Variants in DOCK3 observed in about 807,000 individuals in gnomAD.
DOCK3 encodes the protein dedicator of cytokinesis protein 3.
Under a neutral mutation model 265.6 loss-of-function variants are expected in DOCK3, and 60 were observed. The observed-to-expected ratio is 0.23, with a 90% confidence interval of 0.18 to 0.28. DOCK3 has a LOEUF of 0.28. DOCK3 is among the 10% of genes least tolerant of loss of function. The pLI is 1.00. For missense variants in DOCK3, 1,981 were observed against 2,594.3 expected, an observed-to-expected ratio of 0.76 and a Z score of 5.14; for synonymous variants, 881 against 938.0, an observed-to-expected ratio of 0.94 and a Z score of 1.11.
Position 51,018,649 on chromosome 3 carries a change from T to C in DOCK3, c.316-45799T>C, listed in dbSNP as rs577539862. Among the ~76,000 whole-genome samples the C allele has an allele frequency of 2.6e-5, 4 of 151,972 alleles. 1 individual carries two copies. The highest frequency in any genetic ancestry group is 9.7e-5 in the African/African-American group (4 of 41,256). On this transcript the variant is annotated intron_variant, in intron 5 of 52. Coordinates refer to ENST00000266037, the MANE Select transcript of DOCK3 (RefSeq NM_004947.5). ...ACGCAATTCATTTATATTTCATGTA[T>C]ACTTTATACATGTAGTCAGAAGGTA...
At chr3:50,991,471 C>A (rs1366744808) in intron 5 of DOCK3, among the ~76,000 whole-genome samples, 1 of 152,172 alleles carries the variant, frequency 6.6e-6, no homozygotes, top group East Asian at 1.9e-4. Flanking sequence ...CATTTCAAAA[C>A]AACAAAGATT....
chr3:51,015,446 T>A (rs1281288056), intron 5 of DOCK3, among the ~76,000 whole-genome samples: 1 of 151,792 alleles, frequency 6.6e-6, no homozygotes, highest in African/African-American at 2.4e-5. Context: ...ATTTGCATAT[T>A]TTGAACCATC....
intron 9 of DOCK3, among the ~76,000 whole-genome samples, chr3:51,131,280 A>G (rs533001352): frequency 5.9e-5 from 9 of 152,266 alleles, no homozygotes; most frequent in East Asian, 3.9e-4. Flanking sequence ...GAGGGCCACA[A>G]TGACATTTTG....
chr3:51,303,798 C>G (rs539780946), intron 27 of DOCK3, among the ~76,000 whole-genome samples: 1 of 152,340 alleles, frequency 6.6e-6, no homozygotes, highest in Non-Finnish European at 1.5e-5. Context: ...CCTCTGAGAT[C>G]TCTGTCCCTG....
rs747245428 is a variant in DOCK3, at chr3:51,356,510, A to G, written c.4503+17A>G. On this transcript the variant is annotated intron_variant, in intron 43 of 52. Coordinates refer to ENST00000266037, the MANE Select transcript of DOCK3 (RefSeq NM_004947.5). ...AGGGAACTGGTGAGACATGTCTCAG[A>G]TGAAGCTGAGCTTCACAACTGCTCC... 6.8e-6 allele frequency: 11 copies of G among 1,608,408 alleles called. No homozygotes were observed. The highest frequency in any genetic ancestry group is 8.5e-6 in the Non-Finnish European group (10 of 1,177,402).
chr3:51,145,956 G>C (rs968033392), intron 9 of DOCK3, among the ~76,000 whole-genome samples: 4 of 152,110 alleles, frequency 2.6e-5, no homozygotes, highest in African/African-American at 7.2e-5. Flanking sequence ...GGGTTTGTGC[G>C]CCTGTGAAAA....
chr3:51,249,568 G>C (rs200729815), intron 22 of DOCK3, among the ~76,000 whole-genome samples: 1 of 59,030 alleles, frequency 1.7e-5, no homozygotes, highest in African/African-American at 7.1e-5. Context: ...TCAGCCCCCC[G>C]CCCGGCCAGC....
chr3:50,874,043 TTTTTTTTTTTTTCTTTTCTTTTG>T (rs770486381), intron 3 of DOCK3, among the ~76,000 whole-genome samples: 4,148 of 141,980 alleles, frequency 0.029, 450 homozygotes, highest in East Asian at 0.22. Flanking sequence ...CATGAAGGTG[TTTTTTTTTTTTTCTTTTCTTTTG>T]TTTTTTTTTT....
intron 1 of DOCK3, among the ~76,000 whole-genome samples, chr3:50,719,310 A>T (rs1447660381): frequency 6.9e-6 from 1 of 145,812 alleles, no homozygotes; most frequent in African/African-American, 2.6e-5. Context: ...TCATAAACTT[A>T]ACTCTGCAAT....
Position 50,959,517 on chromosome 3 carries a change from T to G in DOCK3, c.315+25440T>G, listed in dbSNP as rs554781242. Among the ~76,000 whole-genome samples the G allele has an allele frequency of 9.3e-5, 14 of 150,238 alleles. No homozygotes were observed. The South Asian group carries it at 1.1e-3, about 11-fold the overall frequency. ...TTTTCAATCCCTAGTAATCACATTT[T>G]ACTCTTTTTATGTTGTGTGTGTGTG... On this transcript the variant is annotated intron_variant, in intron 5 of 52. Coordinates refer to ENST00000266037, the MANE Select transcript of DOCK3 (RefSeq NM_004947.5).
chr3:51,190,059 C>A (rs1393352589), intron 12 of DOCK3, among the ~76,000 whole-genome samples: 2 of 152,118 alleles, frequency 1.3e-5, no homozygotes, highest in Non-Finnish European at 2.9e-5. Flanking sequence ...CACAGACTTT[C>A]CCCACTAAGC....
chr3:51,124,578 A>G (rs1393035699), intron 9 of DOCK3, among the ~76,000 whole-genome samples: 2 of 152,218 alleles, frequency 1.3e-5, no homozygotes, highest in African/African-American at 2.4e-5. Context: ...CATGAAGCAA[A>G]AGAAGAAAAT....
Position 51,382,133 on chromosome 3 carries a change from G to A in DOCK3, c.*574G>A, listed in dbSNP as rs1457493057. 1 of 152,614 alleles carries A rather than the reference G, an allele frequency of 6.6e-6. No homozygotes were observed. Among genetic ancestry groups the A allele is most frequent in the Non-Finnish European group, 1.5e-5 (1 of 68,122 alleles). 9.5% of individuals were successfully genotyped at this position (152,614 alleles called of 1,614,324 possible). On this transcript the variant is annotated 3_prime_UTR_variant, in exon 53 of 53. Transcript: ENST00000266037. ...TTCCATCCAGGAGTGTGCTACTGAGGGGCTGGCTGGACCAACCTGCTGGCT... is the reference window on the plus strand; with the variant it reads ...TTCCATCCAGGAGTGTGCTACTGAGAGGCTGGCTGGACCAACCTGCTGGCT...
intron 1 of DOCK3, among the ~76,000 whole-genome samples, chr3:50,754,338 A>G (rs941332351): frequency 2.0e-5 from 3 of 152,120 alleles, no homozygotes; most frequent in African/African-American, 7.2e-5. Context: ...CCTGCCAGGT[A>G]CTATGCTAAC....
rs7630281 is a variant in DOCK3 at position 50,828,083 on chromosome 3, C to T, written c.122-13592C>T. 4.7e-3 allele frequency among the ~76,000 whole-genome samples: 709 copies of T among 152,134 alleles called. 4 individuals carry two copies. Among genetic ancestry groups the T allele is most frequent in the African/African-American group, 0.014 (594 of 41,494 alleles). ...AGCTGGGACTACAGTTGTGCGCCAC[C>T]ATGCCTGGCTAATTTTTGTATTTTT... On this transcript the variant is annotated intron_variant, in intron 2 of 52. Coordinates refer to ENST00000266037, the MANE Select transcript of DOCK3 (RefSeq NM_004947.5).
chr3:51,250,067 G>A (rs1251965662), intron 22 of DOCK3, among the ~76,000 whole-genome samples: 1 of 151,834 alleles, frequency 6.6e-6, no homozygotes, highest in Non-Finnish European at 1.5e-5. Context: ...ACAGATGCTT[G>A]AAGGCAGCAT....
chr3:50,772,933 A>C (rs985273771), intron 1 of DOCK3, among the ~76,000 whole-genome samples: 8 of 152,276 alleles, frequency 5.3e-5, no homozygotes, highest in Non-Finnish European at 1.2e-4. Context: ...ATAGAAAAAA[A>C]AAAATCCTAA....
At chr3:51,052,413 T>C (rs1489008821) in intron 5 of DOCK3, among the ~76,000 whole-genome samples, 2 of 152,088 alleles carry the variant, frequency 1.3e-5, no homozygotes, top group East Asian at 3.9e-4. Flanking sequence ...GGTGGCAGCA[T>C]CACTGGAGCC....
chr3:51,255,031 T>C (rs992382840), intron 22 of DOCK3, among the ~76,000 whole-genome samples: 2 of 152,234 alleles, frequency 1.3e-5, no homozygotes, highest in Non-Finnish European at 2.9e-5. Context: ...TGTTTAGTGC[T>C]TCCTTCAGGA....
Sources: allele counts gnomAD v4.1 joint callset (sites outside exome capture counted in the v4.1 genomes callset), GRCh38; gene constraint gnomAD v4.1.1; transcripts MANE v1.5; gene names NCBI Gene and HGNC (gene_info 2026-07-23, HGNC 2026-07-21).